CCDC192: variants seen among roughly 807,000 people sequenced by gnomAD.
CCDC192 encodes the protein coiled-coil domain containing 192.
chr5:127,804,824 A>G (rs951033218), intron 5 of CCDC192, among the ~76,000 whole-genome samples: 1 of 152,178 alleles, frequency 6.6e-6, no homozygotes, highest in Non-Finnish European at 1.5e-5. Flanking sequence ...GATGGTGGTA[A>G]AATCTGAGGT....
chr5:127,751,761 G>A (rs1399865382), intron 2 of CCDC192, among the ~76,000 whole-genome samples: 10 of 152,222 alleles, frequency 6.6e-5, no homozygotes, highest in East Asian at 1.9e-4. Context: ...CCAATCAGAC[G>A]TAGATTTGGT....
chr5:127,725,191 T>C (rs1752253746), intron 2 of CCDC192, among the ~76,000 whole-genome samples: 1 of 152,206 alleles, frequency 6.6e-6, no homozygotes, highest in South Asian at 2.1e-4. Flanking sequence ...TGTGATACAG[T>C]CTGTCCTGTA....
chr5:127,719,833 G>GGA (rs113046669), intron 2 of CCDC192, among the ~76,000 whole-genome samples: 16 of 130,132 alleles, frequency 1.2e-4, no homozygotes, highest in Admixed American at 1.8e-4. Context: ...AGAGGAAGGG[G>GGA]CGGGGGAGGT....
At chr5:127,922,926 A>G (rs1753762107) in intron 6 of CCDC192, among the ~76,000 whole-genome samples, 1 of 152,234 alleles carries the variant, frequency 6.6e-6, no homozygotes, top group Non-Finnish European at 1.5e-5. Flanking sequence ...ACCGGTAGAA[A>G]CATTCTTTGA....
intron 6 of CCDC192, among the ~76,000 whole-genome samples, chr5:127,887,949 C>T (rs1294573841): frequency 2.0e-5 from 3 of 151,926 alleles, no homozygotes; most frequent in South Asian, 2.1e-4. Context: ...GTGATCCACC[C>T]GCCTCGGCCT....
chr5:127,705,039 C>T (rs190254791), intron 1 of CCDC192, among the ~76,000 whole-genome samples: 15 of 152,274 alleles, frequency 9.9e-5, no homozygotes, highest in African/African-American at 2.9e-4. Context: ...TCATTACTCC[C>T]TGCCAATAGA....
intron 2 of CCDC192, among the ~76,000 whole-genome samples, chr5:127,740,595 T>A (rs1246517286): frequency 6.6e-6 from 1 of 151,348 alleles, no homozygotes; most frequent in African/African-American, 2.5e-5. Context: ...ATCATTGTAA[T>A]TAATTTTTTA....
At chr5:127,864,401 T>C (rs1471409897) in intron 5 of CCDC192, among the ~76,000 whole-genome samples, 1 of 152,190 alleles carries the variant, frequency 6.6e-6, no homozygotes, top group Non-Finnish European at 1.5e-5. Context: ...TGAGCATGTG[T>C]TGATGGAAAC....
intron 6 of CCDC192, among the ~76,000 whole-genome samples, chr5:127,918,895 G>A (rs1561551533): frequency 1.3e-5 from 2 of 151,876 alleles, no homozygotes; most frequent in Non-Finnish European, 2.9e-5. Flanking sequence ...GCATGCATGT[G>A]TATGTTTATG....
At chr5:127,760,489 A>T (rs889960217) in intron 3 of CCDC192, among the ~76,000 whole-genome samples, 22 of 151,890 alleles carry the variant, frequency 1.4e-4, no homozygotes, top group African/African-American at 5.1e-4. Flanking sequence ...CTTTACATTT[A>T]TAACAAGTTC....
chr5:127,799,792 A>G (rs999560292), intron 5 of CCDC192, among the ~76,000 whole-genome samples: 2 of 152,154 alleles, frequency 1.3e-5, no homozygotes, highest in Non-Finnish European at 2.9e-5. Flanking sequence ...GTATTAGGGT[A>G]TTGATACCAG....
intron 5 of CCDC192, among the ~76,000 whole-genome samples, chr5:127,842,550 C>G (rs971038155): frequency 6.6e-6 from 1 of 152,280 alleles, no homozygotes; most frequent in Middle Eastern, 3.4e-3. Flanking sequence ...CAAAAGGTAC[C>G]TGGACTTTTC....
intron 2 of CCDC192, among the ~76,000 whole-genome samples, chr5:127,717,648 A>C (rs981766021): frequency 5.9e-5 from 9 of 152,048 alleles, no homozygotes; most frequent in African/African-American, 1.9e-4. Context: ...AAAACCCATT[A>C]AAGTTGGGAA....
At chr5:127,819,580 C>T (rs1749190083) in intron 5 of CCDC192, among the ~76,000 whole-genome samples, 1 of 152,134 alleles carries the variant, frequency 6.6e-6, no homozygotes, top group Non-Finnish European at 1.5e-5. Context: ...AAGTTTACAT[C>T]TTAGCAAACA....
chr5:127,730,336 T>C (rs1201600506), intron 2 of CCDC192, among the ~76,000 whole-genome samples: 1 of 152,092 alleles, frequency 6.6e-6, no homozygotes, highest in Non-Finnish European at 1.5e-5. Flanking sequence ...GAAGTTGATA[T>C]CTGAATAGAC....
chr5:127,722,569 C>G (rs779334691), intron 2 of CCDC192, among the ~76,000 whole-genome samples: 14 of 152,024 alleles, frequency 9.2e-5, no homozygotes, highest in Non-Finnish European at 1.6e-4. Flanking sequence ...TCAATGTTTT[C>G]TTTTAGTAGT....
chr5:127,871,092 G>A (rs976269415), intron 5 of CCDC192, among the ~76,000 whole-genome samples: 1 of 152,202 alleles, frequency 6.6e-6, no homozygotes, highest in Non-Finnish European at 1.5e-5. Flanking sequence ...GAGAGCTGCC[G>A]TGAGGAGCAA....
chr5:127,918,216 T>TAAAAAAAAAAAAAACAAAAAAAAAAAA (rs1753584559), intron 6 of CCDC192, among the ~76,000 whole-genome samples: 1 of 100,420 alleles, frequency 1.0e-5, no homozygotes, highest in African/African-American at 4.5e-5. Context: ...CTTCAATTTG[T>TAAAAAAAAAAAAAACAAAAAAAAAAAA]AAAAAAAAAA....
intron 5 of CCDC192, among the ~76,000 whole-genome samples, chr5:127,846,166 G>A (rs552685654): frequency 3.4e-4 from 51 of 151,930 alleles, no homozygotes; most frequent in Non-Finnish European, 1.0e-4. Context: ...GTGCGTGCCT[G>A]TAGTCCCAGC....
Sources: gnomAD v4.1 joint callset for allele counts (sites outside exome capture counted in the v4.1 genomes callset) on GRCh38, gnomAD v4.1.1 for gene constraint, MANE v1.5 for transcripts, NCBI Gene and HGNC (gene_info 2026-07-23, HGNC 2026-07-21) for gene names.